Variants in CNTNAP5 observed in about 807,000 individuals in gnomAD.
The protein encoded by CNTNAP5 is contactin associated protein family member 5.
Under a neutral mutation model 150.2 loss-of-function variants are expected in CNTNAP5, and 72 were observed. The observed-to-expected ratio is 0.48, with a 90% confidence interval of 0.40 to 0.58. The LOEUF is 0.58. Ranked by LOEUF, CNTNAP5 falls within the 20% of genes least tolerant of loss-of-function variation. The probability of loss-of-function intolerance (pLI) is 0.00; values close to 1 mark genes in which losing one functional copy is unlikely to be tolerated. For synonymous variants in CNTNAP5, 672 were observed against 619.8 expected, an observed-to-expected ratio of 1.08 and a Z score of -1.25; for missense variants, 1,636 against 1,626.2, an observed-to-expected ratio of 1.01 and a Z score of -0.10.
chr2:124,669,194 A>G (rs1338371503), intron 13 of CNTNAP5, among the ~76,000 whole-genome samples: 8 of 152,208 alleles, frequency 5.3e-5, no homozygotes, highest in Admixed American at 4.6e-4. Flanking sequence ...TTATATCCTC[A>G]GGGACAGGAC....
At chr2:124,775,149 T>C (rs1365652270) in intron 17 of CNTNAP5, among the ~76,000 whole-genome samples, 2 of 152,206 alleles carry the variant, frequency 1.3e-5, no homozygotes, top group African/African-American at 4.8e-5. Flanking sequence ...TCTTTCAGTT[T>C]GAATTTTCCT....
chr2:124,313,689 G>A lies in CNTNAP5; in HGVS notation c.381+71296G>A, dbSNP rs555020163. Among the ~76,000 whole-genome samples, 5 of 152,296 alleles carry A rather than the reference G, an allele frequency of 3.3e-5. No individual in the cohort carries two copies. In the South Asian group the frequency reaches 1.0e-3, roughly 32 times the overall value. On this transcript the variant is annotated intron_variant, in intron 3 of 23. Coordinates refer to ENST00000682447, the MANE Select transcript of CNTNAP5 (RefSeq NM_001367498.1). ...AGAATTTAGATTGTGCCATTGTCTGGATCATGCCATCATGTCTTTGTGGCT... is the reference window on the plus strand; with the variant it reads ...AGAATTTAGATTGTGCCATTGTCTGAATCATGCCATCATGTCTTTGTGGCT...
intron 7 of CNTNAP5, among the ~76,000 whole-genome samples, chr2:124,480,653 C>G (rs760902387): frequency 6.6e-6 from 1 of 152,156 alleles, no homozygotes; most frequent in Non-Finnish European, 1.5e-5. Context: ...AGCTTGTTTC[C>G]GGGATCATGT....
At chr2:124,666,795 C>A (rs1462347383) in intron 13 of CNTNAP5, among the ~76,000 whole-genome samples, 2 of 152,148 alleles carry the variant, frequency 1.3e-5, no homozygotes, top group East Asian at 3.9e-4. Flanking sequence ...TGCAAGTATT[C>A]TTTTGAGCCA....
chr2:124,810,071 TA>T (rs1017310625), intron 19 of CNTNAP5, among the ~76,000 whole-genome samples: 6 of 152,220 alleles, frequency 3.9e-5, no homozygotes, highest in African/African-American at 1.4e-4. Context: ...TTAGTCAAAT[TA>T]TCAGTCATGT....
At chr2:124,856,953 G>C (rs1677388261) in intron 19 of CNTNAP5, among the ~76,000 whole-genome samples, 2 of 152,196 alleles carry the variant, frequency 1.3e-5, no homozygotes, top group African/African-American at 4.8e-5. Flanking sequence ...CCTGCAGGGA[G>C]GCACTGGTTT....
chr2:124,315,981 G>A (rs1361573543), intron 3 of CNTNAP5, among the ~76,000 whole-genome samples: 2 of 152,116 alleles, frequency 1.3e-5, no homozygotes, highest in Non-Finnish European at 2.9e-5. Flanking sequence ...TGCAACTCCC[G>A]ATACCAGCCT....
intron 19 of CNTNAP5, among the ~76,000 whole-genome samples, chr2:124,811,946 A>G (rs1459851524): frequency 7.9e-5 from 9 of 114,184 alleles, no homozygotes; most frequent in Admixed American, 2.6e-4. Context: ...CCATCTCAAA[A>G]AATATATATA....
chr2:124,283,796 T>A (rs1312121709), intron 3 of CNTNAP5, among the ~76,000 whole-genome samples: 2 of 152,230 alleles, frequency 1.3e-5, no homozygotes, highest in African/African-American at 4.8e-5. Flanking sequence ...TTCTGTTTCA[T>A]AGATGGCACC....
intron 13 of CNTNAP5, among the ~76,000 whole-genome samples, chr2:124,677,145 G>GAGTTTCTT (rs1225998612): frequency 6.6e-6 from 1 of 152,182 alleles, no homozygotes; most frequent in Non-Finnish European, 1.5e-5. Flanking sequence ...GATGTGTCCA[G>GAGTTTCTT]AGTTTCTTCC....
At chr2:124,825,075 A>G (rs1242222992) in intron 19 of CNTNAP5, among the ~76,000 whole-genome samples, 2 of 152,332 alleles carry the variant, frequency 1.3e-5, no homozygotes, top group South Asian at 2.1e-4. Flanking sequence ...TGAAGAGGAC[A>G]ATAGAAAAAC....
intron 19 of CNTNAP5, among the ~76,000 whole-genome samples, chr2:124,803,423 T>C (rs1682013759): frequency 6.6e-6 from 1 of 152,238 alleles, no homozygotes; most frequent in Admixed American, 6.5e-5. Context: ...CAATTTCTGT[T>C]TCTATTCTTC....
chr2:124,590,171 C>T (rs1394346509), intron 11 of CNTNAP5, among the ~76,000 whole-genome samples: 1 of 152,072 alleles, frequency 6.6e-6, no homozygotes, highest in Non-Finnish European at 1.5e-5. Context: ...GCTTCTAGAA[C>T]CATAAAAAAA....
At chr2:124,136,284 A>G (rs886995881) in intron 1 of CNTNAP5, among the ~76,000 whole-genome samples, 1 of 152,202 alleles carries the variant, frequency 6.6e-6, no homozygotes, top group East Asian at 1.9e-4. Context: ...CTGCAGCCAT[A>G]GGGTAACAAA....
intron 19 of CNTNAP5, among the ~76,000 whole-genome samples, chr2:124,823,815 A>G (rs1322899912): frequency 6.6e-6 from 1 of 152,164 alleles, no homozygotes; most frequent in Non-Finnish European, 1.5e-5. Flanking sequence ...TCTGCTGCCA[A>G]GTAGGTATCT....
chr2:124,850,565 C>T (rs1472567346), intron 19 of CNTNAP5, among the ~76,000 whole-genome samples: 6 of 152,168 alleles, frequency 3.9e-5, no homozygotes, highest in Non-Finnish European at 5.9e-5. Flanking sequence ...TTCAAACTTC[C>T]AGCCTCCAAA....
At chr2:124,749,376 T>C (rs552420247) in intron 14 of CNTNAP5, among the ~76,000 whole-genome samples, 2 of 135,322 alleles carry the variant, frequency 1.5e-5, no homozygotes, top group Non-Finnish European at 3.1e-5. Flanking sequence ...CTTCCCTCTC[T>C]CCCTTCCTTC....
At chr2:124,290,125 A>G (rs1210789678) in intron 3 of CNTNAP5, among the ~76,000 whole-genome samples, 1 of 152,112 alleles carries the variant, frequency 6.6e-6, no homozygotes, top group Non-Finnish European at 1.5e-5. Flanking sequence ...GAAACAAGCT[A>G]TTAGGCCGGG....
intron 1 of CNTNAP5, among the ~76,000 whole-genome samples, chr2:124,047,988 C>T (rs961367797): frequency 6.6e-6 from 1 of 152,202 alleles, no homozygotes; most frequent in Non-Finnish European, 1.5e-5. Flanking sequence ...CGCACACACA[C>T]AGGACTTCTT....
Sources: gnomAD v4.1 joint callset for allele counts (sites outside exome capture counted in the v4.1 genomes callset) on GRCh38, gnomAD v4.1.1 for gene constraint, MANE v1.5 for transcripts, NCBI Gene and HGNC (gene_info 2026-07-23, HGNC 2026-07-21) for gene names.